GHDC: variants seen among roughly 807,000 people sequenced by gnomAD.
The protein encoded by GHDC is GH3 domain containing.
In GHDC, 39 loss-of-function variants were observed where a neutral mutation model predicts 51.5. The observed-to-expected ratio is 0.76, with a 90% CI of 0.59 to 0.99. GHDC has a LOEUF of 0.99. Among genes scored for constraint, GHDC ranks in the 50% least tolerant of loss-of-function variants. The pLI, the probability that GHDC is intolerant of heterozygous loss-of-function variation, is 0.00. For synonymous variants in GHDC, 282 were observed against 305.2 expected (o/e 0.92, Z 0.79); for missense variants, 610 against 672.8 (o/e 0.91, Z 1.03).
In GHDC at chr17:42,190,677, T is replaced by C. The variant is rs1401251916; in HGVS notation, c.1235A>G (p.Gln412Arg). 2 of 1,613,838 alleles carry C rather than the reference T, an allele frequency of 1.2e-6. No homozygotes were observed. Among genetic ancestry groups the C allele is most frequent in the Non-Finnish European group, 1.7e-6 (2 of 1,179,974 alleles). ...GTCCAGCAGCTTGGCCCCCGCCCAC[T>C]GCCCCACTGCCCGGCCCAGGGCCTC... ...FSEALGRAVG[Q>R]WAGAKLLDHG... Residue 412 changes from glutamine (Q) to arginine (R), a missense_variant, in exon 8 of 10, where the codon CAG becomes CGG. Around this residue, in one of 2 missense-constraint regions of GHDC, gnomAD observed 412 missense variants for 410.4 expected, o/e 1.00. Coordinates refer to ENST00000587427, the MANE Select transcript of GHDC (RefSeq NM_032484.5).
intron 5 of GHDC, among the ~76,000 whole-genome samples, chr17:42,191,755 G>A (rs1415534781): frequency 6.9e-5 from 9 of 130,538 alleles, no homozygotes; most frequent in Admixed American, 2.4e-4. Flanking sequence ...CCACTGCCCC[G>A]GCCTTTTTTT....
In GHDC at chr17:42,192,942, C is replaced by CG. The variant is rs1362534211; in HGVS notation, c.350dup (p.Thr118AspfsTer66). On this transcript the variant is annotated frameshift_variant, in exon 4 of 10. Coordinates refer to ENST00000587427, the MANE Select transcript of GHDC (RefSeq NM_032484.5). LOFTEE classifies it high-confidence loss of function. ...CCTCCCCAAGGTCCTGGTTTGAGGT[C>CG]GGGGGCAGTGGCTGCTCTCCACTGT... is the stretch of plus-strand genomic sequence containing the variant. 2 of 1,613,838 alleles carry CG rather than the reference C, an allele frequency of 1.2e-6. No homozygotes were observed. The highest frequency in any genetic ancestry group is 2.7e-5 in the African/African-American group (2 of 74,848).
At position 42,192,832 on chromosome 17, in the gene GHDC, G is replaced by A. The variant is rs200716113; in HGVS notation, c.387+74C>T. 8.8e-4 allele frequency: 1,385 copies of A among 1,575,646 alleles called. 13 individuals are homozygous for A. The highest frequency in any genetic ancestry group is 7.3e-3 in the South Asian group (633 of 86,618). ...GTTCTTTGCCCACCATGACTGGAGGGTTTGGCTGCAAGTCAGAGGTCTCTG... is the reference window on the plus strand; with the variant it reads ...GTTCTTTGCCCACCATGACTGGAGGATTTGGCTGCAAGTCAGAGGTCTCTG... On this transcript the variant is annotated intron_variant, in intron 4 of 9. Transcript: ENST00000587427.
intron 8 of GHDC, 119 bp downstream of exon 8, chr17:42,190,505 A>G: frequency 7.0e-7 from 1 of 1,423,674 alleles, no homozygotes; most frequent in Middle Eastern, 2.1e-4. Flanking sequence ...GATGCAGAGA[A>G]GGACTTTTGT....
rs1344671136 is a variant in GHDC, at chr17:42,192,361, G to C, written c.769C>G (p.Pro257Ala). ...AGAGTCACCACCACCTGCAGCTTTG[G>C]CCAGAGCCGAAGGGCCAGTCCCCGT... ...GPRGLALRLW[P>A]KLQVVVTLDA... Residue 257 changes from proline to alanine, a missense_variant, in exon 5 of 10, where the codon CCA becomes GCA. Around this residue, in one of 2 missense-constraint regions of GHDC, gnomAD observed 412 missense variants for 410.4 expected, o/e 1.00. Coordinates refer to ENST00000587427, the MANE Select transcript of GHDC (RefSeq NM_032484.5). 6.2e-7 allele frequency: 1 copy of C among 1,612,970 alleles called. No homozygotes were observed. The highest frequency in any genetic ancestry group is 1.3e-5 in the African/African-American group (1 of 75,060).
At chr17:42,191,256 T>C in intron 5 of GHDC, 46 bp from the exon 6 acceptor site, 1 of 1,458,520 alleles carries the variant, frequency 6.9e-7, no homozygotes, top group Non-Finnish European at 9.0e-7. Context: ...GTGCCATCGC[T>C]TTCTGCCAGG....
chr17:42,191,616 C>T (rs2079969408), intron 5 of GHDC, among the ~76,000 whole-genome samples: 1 of 152,004 alleles, frequency 6.6e-6, no homozygotes. Context: ...TGCCACCACA[C>T]CTGGCTAATT....
At chr17:42,192,875 C>T (rs1267163733) in intron 4 of GHDC, 31 bp downstream of exon 4, 1 of 1,611,170 alleles carries the variant, frequency 6.2e-7, no homozygotes, top group South Asian at 1.1e-5. Flanking sequence ...TGGGCTGTGG[C>T]CAGGACTGGG....
Position 42,192,483 on chromosome 17 carries a change from T to A in GHDC, c.647A>T (p.Asp216Val), listed in dbSNP as rs754912649. Residue 216 changes from aspartate (D) to valine (V), a missense_variant, in exon 5 of 10, where the codon GAT becomes GTT. Asp to Val is a radical substitution (Grantham distance 152). Around this residue, in one of 2 missense-constraint regions of GHDC, gnomAD observed 412 missense variants for 410.4 expected, o/e 1.00. Transcript: ENST00000587427. ...TATCGCCCCAGCTAGCTCTTCACCA[T>A]CAGTCTCCAGGCCCAAGAAAACATC... ...LLDVFLGLET[D>V]GEELAGAIAA... The A allele has an allele frequency of 1.9e-6, 3 of 1,613,530 alleles. No individual in the cohort carries two copies. The highest frequency in any genetic ancestry group is 2.5e-6 in the Non-Finnish European group (3 of 1,180,020).
At chr17:42,194,315 CT>C (rs2079992622) in intron 1 of GHDC, 77 bp downstream of exon 1, 1 of 152,490 alleles carries the variant, frequency 6.6e-6, no homozygotes, top group South Asian at 2.1e-4. Context: ...AGTGGCTTTG[CT>C]TTCTCTCGGG....
At position 42,193,750 on chromosome 17, in the gene GHDC, T is replaced by G; in HGVS notation, c.-14+17A>C. 2.1e-6 allele frequency: 2 copies of G among 940,536 alleles called. No individual in the cohort carries two copies. The highest frequency in any genetic ancestry group is 3.1e-6 in the Non-Finnish European group (2 of 648,614). The allele number at this position is 940,536 out of a possible 1,614,324, so 58.3% of individuals were successfully genotyped here. A position where few individuals can be genotyped will look rare whatever the true frequency, so the allele number is the denominator to read the frequency against. ...GATGCAAAGGAGAGACTATCAAAGC[T>G]TTGGAGTCCCACTGACCTGAGTGCA... On this transcript the variant is annotated intron_variant, in intron 2 of 9. Transcript: ENST00000587427.
At position 42,192,335 on chromosome 17, in the gene GHDC, C is replaced by T. The variant is rs775244051; in HGVS notation, c.795G>A (p.Leu265=). Residue 265 remains leucine (L), a synonymous_variant, in exon 5 of 10, where the codon CTG becomes CTA. Coordinates refer to ENST00000587427, the MANE Select transcript of GHDC (RefSeq NM_032484.5). ...LWPKLQVVVT[L]DAGGQAEAVA... is the part of the protein sequence containing the mutation. ...CAGCCTCGGCCTGGCCTCCTGCATC[C>T]AGAGTCACCACCACCTGCAGCTTTG... 4 of 1,613,078 alleles carry T rather than the reference C, an allele frequency of 2.5e-6. No individual in the cohort carries two copies. The highest frequency in any genetic ancestry group is 2.5e-6 in the Non-Finnish European group (3 of 1,179,718).
rs1598285987 is a variant in GHDC, at chr17:42,192,279, C to T, written c.851G>A (p.Gly284Glu). 6.3e-7 allele frequency: 1 copy of T among 1,580,230 alleles called. No homozygotes were observed. The highest frequency in any genetic ancestry group is 8.6e-7 in the Non-Finnish European group (1 of 1,163,560). The change falls in exon 5 of 10, where the codon GGA (glycine) becomes GAA (glutamate). Residue 284 changes from glycine (G) to glutamate (E), a missense_variant. Coordinates refer to ENST00000587427, the MANE Select transcript of GHDC (RefSeq NM_032484.5). Reference sequence around the variant, plus strand: ...ATAAGCAGGAGAGAAGAAGGCTAGTCCTTGGCACCACAAGGCCCCGAGGGC... The same window carrying T: ...ATAAGCAGGAGAGAAGAAGGCTAGTTCTTGGCACCACAAGGCCCCGAGGGC... ...VAALGALWCQ[G>E]LAFFSPAYAA...
chr17:42,191,219 G>A lies in GHDC; in HGVS notation c.890-9C>T, dbSNP rs1345564341. On this transcript the variant is annotated splice_polypyrimidine_tract_variant and intron_variant, in intron 5 of 9. Coordinates refer to ENST00000587427, the MANE Select transcript of GHDC (RefSeq NM_032484.5). ...GTTTAGGCCCAGCACCCCTGTGAAA[G>A]CAAAGCAGCCTCCTCAGCGTCTGCT... is the stretch of plus-strand genomic sequence containing the variant. 2.0e-6 allele frequency: 3 copies of A among 1,492,746 alleles called. No individual in the cohort carries two copies. The highest frequency in any genetic ancestry group is 2.7e-6 in the Non-Finnish European group (3 of 1,123,564). 92.5% of individuals were successfully genotyped at this position (1,492,746 alleles called of 1,614,324 possible). A position where few individuals can be genotyped will look rare whatever the true frequency, so the allele number is the denominator to read the frequency against.
Position 42,194,470 on chromosome 17 carries a change from G to A in GHDC, c.-175C>T, listed in dbSNP as rs1466889118. 6.6e-6 allele frequency: 1 copy of A among 152,398 alleles called. No individual in the cohort carries two copies. The highest frequency in any genetic ancestry group is 2.4e-5 in the African/African-American group (1 of 41,452). The allele number at this position is 152,398 out of a possible 1,614,324, so 9.4% of individuals were successfully genotyped here. A position where few individuals can be genotyped will look rare whatever the true frequency, so the allele number is the denominator to read the frequency against. ...GACTCTGGGTCTCAGCACACATCCG[G>A]CCAGAAAGAAGGAGCGATGGCTTTA... is the stretch of plus-strand genomic sequence containing the variant. On this transcript the variant is annotated 5_prime_UTR_variant, in exon 1 of 10. Coordinates refer to ENST00000587427, the MANE Select transcript of GHDC (RefSeq NM_032484.5).
In GHDC at chr17:42,190,746, G is replaced by T; in HGVS notation, c.1166C>A (p.Thr389Asn). The stretch of plus-strand genomic sequence containing the variant: ...AATATCTTCCCCTCGCACACTCAGG[G>T]TCTGGTCCAGCCTGAAGAGGAGGAA... ...VVRFICRLDQ[T>N]LSVRGEDIGE... The change falls in exon 8 of 10, where the codon ACC (threonine) becomes AAC (asparagine). Residue 389 changes from threonine to asparagine, a missense_variant. This residue lies in a region of GHDC where 412 missense variants were observed against 410.4 expected (regional missense o/e 1.00). Transcript: ENST00000587427. The T allele has an allele frequency of 1.9e-6, 3 of 1,614,116 alleles. No individual in the cohort carries two copies. Among genetic ancestry groups the T allele is most frequent in the African/African-American group, 2.7e-5 (2 of 75,050 alleles).
chr17:42,190,303 C>T (rs776846872), intron 8 of GHDC, 33 bp from the exon 9 acceptor site: 40 of 1,614,056 alleles, frequency 2.5e-5, no homozygotes, highest in South Asian at 7.7e-5. Context: ...CACATACTTC[C>T]GGTGAATGGG....
Position 42,189,759 on chromosome 17 carries a change from G to A in GHDC, c.1537C>T (p.Arg513Trp), listed in dbSNP as rs140765209. ...GCCAGGTGCCTGTGCCGAAGGACCC[G>A]GGGCATCGCAGGGGGGAAGGGGGAG... ...PSSPFPPAMP[R>W]VLRHRHLAQC... Residue 513 changes from arginine to tryptophan, a missense_variant, in exon 10 of 10, where the codon CGG (arginine) becomes TGG (tryptophan). By Grantham distance (101) the Arg-to-Trp change is moderately radical. Transcript: ENST00000587427. The A allele has an allele frequency of 4.4e-5, 67 of 1,530,468 alleles. No homozygotes were observed. The highest frequency in any genetic ancestry group is 2.7e-4 in the Admixed American group (13 of 48,200). 94.8% of individuals were successfully genotyped at this position (1,530,468 alleles called of 1,614,324 possible). A position where few individuals can be genotyped will look rare whatever the true frequency, so the allele number is the denominator to read the frequency against.
Position 42,191,187 on chromosome 17 carries a change from G to A in GHDC, c.913C>T (p.Pro305Ser). 1 of 1,532,996 alleles carries A rather than the reference G, an allele frequency of 6.5e-7. No individual in the cohort carries two copies. The highest frequency in any genetic ancestry group is 1.2e-5 in the South Asian group (1 of 80,794). 95.0% of individuals were successfully genotyped at this position (1,532,996 alleles called of 1,614,324 possible). The change falls in exon 6 of 10, where the codon CCA becomes TCA. Residue 305 changes from proline to serine, a missense_variant. By Grantham distance (74) the Pro-to-Ser change is moderately conservative. Coordinates refer to ENST00000587427, the MANE Select transcript of GHDC (RefSeq NM_032484.5). ...AGGTAGAGCCCATGGGGCTGCTCTG[G>A]CTGTAGGTTTAGGCCCAGCACCCCT... ...SGGVLGLNLQ[P>S]EQPHGLYLLP...
Sources: gnomAD v4.1 joint callset for allele counts (sites outside exome capture counted in the v4.1 genomes callset) on GRCh38, gnomAD v4.1.1 for gene constraint, gnomAD v4.1.1 regional missense constraint, MANE v1.5 for transcripts, NCBI Gene and HGNC (gene_info 2026-07-23, HGNC 2026-07-21) for gene names.